Variants in BICD1 observed in about 807,000 individuals in gnomAD.
BICD1 encodes BICD cargo adaptor 1, also known as protein bicaudal D homolog 1.
Under a neutral mutation model 92.5 loss-of-function variants are expected in BICD1, and 35 were observed. That is an observed-to-expected ratio of 0.38 (90% CI 0.29 to 0.50). The LOEUF is 0.50. BICD1 is among the 20% of genes least tolerant of loss of function. BICD1 has a pLI of 0.93. For synonymous variants in BICD1, 429 were observed against 465.1 expected (o/e 0.92, Z 1.00); for missense variants, 950 against 1,189.8 (o/e 0.80, Z 2.97).
At chr12:32,207,203 A>T (rs1214020392) in intron 1 of BICD1, among the ~76,000 whole-genome samples, 1 of 147,680 alleles carries the variant, frequency 6.8e-6, no homozygotes, top group Non-Finnish European at 1.5e-5. Context: ...TTTGTCATAA[A>T]TTTTTTGTGC....
At chr12:32,242,237 A>G (rs1227260379) in intron 2 of BICD1, among the ~76,000 whole-genome samples, 3 of 150,268 alleles carry the variant, frequency 2.0e-5, no homozygotes, top group East Asian at 3.9e-4. Context: ...AAAAAAAAAA[A>G]AAAAAAGGCC....
At chr12:32,332,568 ACT>A (rs1345722408) in intron 5 of BICD1, 5 of 527,070 alleles carry the variant, frequency 9.5e-6, no homozygotes, top group Non-Finnish European at 1.2e-5. Context: ...CTTCCAGAAG[ACT>A]CAGCCTCCTG....
At chr12:32,282,430 A>C (rs1043584376) in intron 2 of BICD1, among the ~76,000 whole-genome samples, 3 of 152,010 alleles carry the variant, frequency 2.0e-5, no homozygotes, top group Non-Finnish European at 4.4e-5. Context: ...CACGTTGCCC[A>C]GGCTGCACCT....
intron 3 of BICD1, among the ~76,000 whole-genome samples, chr12:32,304,073 CAA>C (rs201713099): frequency 4.3e-5 from 6 of 140,164 alleles, no homozygotes; most frequent in African/African-American, 7.7e-5. Context: ...GACTCCGTCT[CAA>C]AAAAAAAAAA....
chr12:32,369,987 T>C (rs1939668564), intron 9 of BICD1, among the ~76,000 whole-genome samples: 1 of 152,210 alleles, frequency 6.6e-6, no homozygotes, highest in Non-Finnish European at 1.5e-5. Flanking sequence ...TGTGTGTTAG[T>C]TGATTGTTCC....
intron 3 of BICD1, among the ~76,000 whole-genome samples, chr12:32,297,461 G>T (rs889523195): frequency 5.3e-5 from 8 of 152,122 alleles, no homozygotes; most frequent in Non-Finnish European, 1.0e-4. Context: ...CTCCCAAAGT[G>T]CTGGGATTAC....
At chr12:32,252,080 ATT>A (rs74186720) in intron 2 of BICD1, among the ~76,000 whole-genome samples, 1 of 45,236 alleles carries the variant, frequency 2.2e-5, no homozygotes, top group South Asian at 5.2e-4. Flanking sequence ...TATAATATAT[ATT>A]TATAAATATA....
chr12:32,323,952 A>G (rs576592596), intron 4 of BICD1, among the ~76,000 whole-genome samples: 2 of 152,388 alleles, frequency 1.3e-5, no homozygotes, highest in Non-Finnish European at 2.9e-5. Context: ...TTAGTACTTC[A>G]TAATTTAAAA....
In BICD1 at chr12:32,107,194, T is replaced by C. The variant is rs1033924694; in HGVS notation, c.-138T>C. On this transcript the variant is annotated 5_prime_UTR_variant, in exon 1 of 10. Coordinates refer to ENST00000652176, the MANE Select transcript of BICD1 (RefSeq NM_001714.4). Reference sequence around the variant, plus strand: ...CGCTGCCACCAGAGCCGGCGGGGCATCGCGCTGCTCATTCATCCGGCCGCA... The same window carrying C: ...CGCTGCCACCAGAGCCGGCGGGGCACCGCGCTGCTCATTCATCCGGCCGCA... The C allele has an allele frequency of 2.4e-6, 2 of 819,486 alleles. No homozygotes were observed. Among genetic ancestry groups the C allele is most frequent in the Non-Finnish European group, 3.8e-6 (2 of 527,024 alleles). The allele number at this position is 819,486 out of a possible 1,614,324, so 50.8% of individuals were successfully genotyped here. A position where few individuals can be genotyped will look rare whatever the true frequency, so the allele number is the denominator to read the frequency against.
chr12:32,362,776 G>C (rs930519870), intron 8 of BICD1, among the ~76,000 whole-genome samples: 7 of 152,296 alleles, frequency 4.6e-5, no homozygotes, highest in Admixed American at 2.0e-4. Flanking sequence ...CACATGCTGA[G>C]CTTGGATTAA....
intron 1 of BICD1, among the ~76,000 whole-genome samples, chr12:32,177,712 T>TATATAAATATATTTATATAATTATAA (rs1944138105): frequency 9.3e-6 from 1 of 107,886 alleles, no homozygotes; most frequent in Non-Finnish European, 2.0e-5. Context: ...TAGTAGAGTA[T>TATATAAATATATTTATATAATTATAA]AAATATATAA....
chr12:32,216,119 A>G (rs1592492686), intron 1 of BICD1, 128 bp from the exon 2 acceptor site: 1 of 766,414 alleles, frequency 1.3e-6, no homozygotes. Context: ...CTAGACTGTT[A>G]TATTTCGGGG....
intron 2 of BICD1, among the ~76,000 whole-genome samples, chr12:32,260,240 T>C (rs1435867134): frequency 6.6e-6 from 1 of 152,244 alleles, no homozygotes; most frequent in Non-Finnish European, 1.5e-5. Context: ...TTTTTTCTTT[T>C]GTTTTGTTGA....
At chr12:32,298,588 A>T (rs1334978714) in intron 3 of BICD1, among the ~76,000 whole-genome samples, 2 of 147,132 alleles carry the variant, frequency 1.4e-5, no homozygotes. Flanking sequence ...AAAAAAAAAG[A>T]GGCTGGGCAT....
intron 3 of BICD1, among the ~76,000 whole-genome samples, chr12:32,302,980 T>C (rs942566984): frequency 6.8e-6 from 1 of 146,764 alleles, no homozygotes; most frequent in Non-Finnish European, 1.5e-5. Context: ...GCCACCCAGA[T>C]TGGAGTGCAG....
At position 32,372,971 on chromosome 12, in the gene BICD1, G is replaced by A. The variant is rs1164453576; in HGVS notation, c.2841-4569G>A. On this transcript the variant is annotated intron_variant, in intron 9 of 9. Coordinates refer to ENST00000652176, the MANE Select transcript of BICD1 (RefSeq NM_001714.4). ...TTATCAAAATTGTTTATAGATAATAGGTATTATAATATGAAAGGAATGCCC... is the reference window on the plus strand; with the variant it reads ...TTATCAAAATTGTTTATAGATAATAAGTATTATAATATGAAAGGAATGCCC... Among the ~76,000 whole-genome samples, 5 of 152,130 alleles carry A rather than the reference G, an allele frequency of 3.3e-5. No individual in the cohort carries two copies. The East Asian group carries it at 9.6e-4, about 29-fold the overall frequency.
intron 2 of BICD1, among the ~76,000 whole-genome samples, chr12:32,256,989 C>T (rs576385112): frequency 4.6e-5 from 7 of 152,124 alleles, no homozygotes; most frequent in South Asian, 4.2e-4. Flanking sequence ...CCAAGGCGGG[C>T]GGATCACAAG....
At chr12:32,139,566 G>A (rs1395641210) in intron 1 of BICD1, among the ~76,000 whole-genome samples, 1 of 152,048 alleles carries the variant, frequency 6.6e-6, no homozygotes, top group Non-Finnish European at 1.5e-5. Flanking sequence ...GGGTTTTTTT[G>A]TTTATTTGTT....
At position 32,216,140 on chromosome 12, in the gene BICD1, G is replaced by A. The variant is rs946686084; in HGVS notation, c.214-107G>A. The A allele has an allele frequency of 4.5e-6, 5 of 1,114,586 alleles. No individual in the cohort carries two copies. The Admixed American group carries it at 1.3e-4, about 28-fold the overall frequency. 69.0% of individuals were successfully genotyped at this position (1,114,586 alleles called of 1,614,324 possible). ...TGTTATATTTCGGGGGTCTTGCAGGGTAGCTTTTCTTACACATATAAGCAG... is the reference window on the plus strand; with the variant it reads ...TGTTATATTTCGGGGGTCTTGCAGGATAGCTTTTCTTACACATATAAGCAG... On this transcript the variant is annotated intron_variant, in intron 1 of 9. Transcript: ENST00000652176.
Sources: allele counts gnomAD v4.1 joint callset (sites outside exome capture counted in the v4.1 genomes callset), GRCh38; gene constraint gnomAD v4.1.1; transcripts MANE v1.5; gene names NCBI Gene and HGNC (gene_info 2026-07-23, HGNC 2026-07-21).